Variants in SNED1 observed in about 807,000 individuals in gnomAD.
The protein encoded by SNED1 is sushi, nidogen and EGF like domains 1.
A neutral mutation model predicts 166.7 loss-of-function variants in SNED1; 81 were observed. The ratio of observed to expected loss-of-function variants is 0.49; its 90% confidence interval spans 0.41 to 0.58. The LOEUF (loss-of-function observed/expected upper bound fraction) is 0.58. Ranked by LOEUF, SNED1 falls within the 20% of genes least tolerant of loss-of-function variation. The pLI, the probability that SNED1 is intolerant of heterozygous loss-of-function variation, is 0.00. For synonymous variants in SNED1, 762 were observed against 822.0 expected (o/e 0.93, Z 1.25); for missense variants, 1,604 against 2,000.2 (o/e 0.80, Z 3.78).
chr2:241,030,617 GC>G, intron 2 of SNED1, 46 bp downstream of exon 2: 4 of 1,585,770 alleles, frequency 2.5e-6, no homozygotes, highest in Non-Finnish European at 3.4e-6. Context: ...TGTGGCTAGG[GC>G]CCAGGGTCTC....
At chr2:241,065,664 C>A in intron 21 of SNED1, 69 bp downstream of exon 21, 1 of 1,360,414 alleles carries the variant, frequency 7.4e-7, no homozygotes, top group Non-Finnish European at 1.0e-6. Context: ...GGCCCCGGCA[C>A]CTGCAGGGCG....
intron 1 of SNED1, among the ~76,000 whole-genome samples, chr2:241,026,708 C>A (rs1176506790): frequency 3.9e-5 from 6 of 152,028 alleles, no homozygotes; most frequent in Non-Finnish European, 7.4e-5. Context: ...TTTTTTTAAT[C>A]TAGTGCTTTT....
intron 24 of SNED1, among the ~76,000 whole-genome samples, chr2:241,071,160 A>AT (rs1395230864): frequency 6.6e-6 from 1 of 152,166 alleles, no homozygotes; most frequent in African/African-American, 2.4e-5. Context: ...CTCAGGGCAC[A>AT]TGCTGGGGTG....
intron 29 of SNED1, among the ~76,000 whole-genome samples, chr2:241,085,860 C>CTTTTT (rs772995766): frequency 4.7e-4 from 37 of 79,156 alleles, no homozygotes; most frequent in African/African-American, 6.6e-4. Flanking sequence ...TCTGCGGTTT[C>CTTTTT]TTTTTTTTTT....
At chr2:241,037,434 TG>T (rs1259534867) in intron 6 of SNED1, 81 bp downstream of exon 6, 1 of 986,004 alleles carries the variant, frequency 1.0e-6, no homozygotes, top group Non-Finnish European at 1.6e-6. Flanking sequence ...GCTGAGGTCT[TG>T]GAAGGTCCAG....
rs567576428 is a variant in SNED1, at chr2:241,036,936, G to A, written c.931+21G>A. On this transcript the variant is annotated intron_variant, in intron 5 of 31. Transcript: ENST00000310397. ...CCTGGGTGAGTGACTGGCCCAGGGC[G>A]GGACCACCCGCTGGCTGCGCTGGGC... 3.5e-5 allele frequency: 56 copies of A among 1,599,366 alleles called. No homozygotes were observed. In the East Asian group the frequency reaches 8.6e-4, roughly 25 times the overall value.
At chr2:241,055,102 G>A (rs1339213100) in intron 16 of SNED1, among the ~76,000 whole-genome samples, 2 of 150,932 alleles carry the variant, frequency 1.3e-5, no homozygotes, top group Non-Finnish European at 2.9e-5. Flanking sequence ...GGGTGATAGA[G>A]TAAGACTCTG....
At chr2:241,034,273 G>C (rs1430911659) in intron 3 of SNED1, among the ~76,000 whole-genome samples, 3 of 152,210 alleles carry the variant, frequency 2.0e-5, no homozygotes, top group Non-Finnish European at 2.9e-5. Flanking sequence ...CCAGGCCCGA[G>C]AGTGCCTTTG....
chr2:241,009,345 C>T (rs2060316680), intron 1 of SNED1, among the ~76,000 whole-genome samples: 1 of 152,176 alleles, frequency 6.6e-6, no homozygotes, highest in Non-Finnish European at 1.5e-5. Flanking sequence ...GGGGCCACTG[C>T]CTCCAGGCCA....
At chr2:241,037,025 T>C in intron 5 of SNED1, 110 bp downstream of exon 5, 2 of 1,366,384 alleles carry the variant, frequency 1.5e-6, no homozygotes, top group Middle Eastern at 2.1e-4. Flanking sequence ...GTCAGGAGTC[T>C]CTGTCCCCAG....
chr2:241,048,794 C>G (rs1476696114), intron 10 of SNED1, 28 bp downstream of exon 10: 2 of 1,545,492 alleles, frequency 1.3e-6, no homozygotes, highest in Non-Finnish European at 1.8e-6. Flanking sequence ...CCTTCCTGCC[C>G]TGTCCCTGAG....
rs1431956480 is a variant in SNED1, at chr2:241,048,362, G to A, written c.1321G>A (p.Gly441Arg). 6.2e-7 allele frequency: 1 copy of A among 1,611,494 alleles called. No homozygotes were observed. The highest frequency in any genetic ancestry group is 1.7e-5 in the Admixed American group (1 of 59,732). The change falls in exon 9 of 32, where the codon GGG (glycine) becomes AGG (arginine). Residue 441 changes from glycine (G) to arginine (R), a missense_variant. By Grantham distance (125) the Gly-to-Arg change is moderately radical. This residue lies in a region of SNED1 where 1,237 missense variants were observed against 1,620.8 expected (regional missense o/e 0.76). Coordinates refer to ENST00000310397, the MANE Select transcript of SNED1 (RefSeq NM_001080437.3). ...CTGCCTCTCGGCCCCTTGCCACAAT[G>A]GGGGCACCTGTGTGGATGCGGACCA... The part of the protein sequence containing the change: ...DACLSAPCHN[G>R]GTCVDADQGY...
intron 1 of SNED1, among the ~76,000 whole-genome samples, chr2:241,001,171 C>T (rs1348107735): frequency 6.6e-6 from 1 of 152,240 alleles, no homozygotes; most frequent in Admixed American, 6.5e-5. Flanking sequence ...CCCTCCAGCC[C>T]CCATCCCACT....
intron 1 of SNED1, among the ~76,000 whole-genome samples, chr2:241,019,654 CT>C (rs950186488): frequency 6.6e-6 from 1 of 152,242 alleles, no homozygotes; most frequent in Non-Finnish European, 1.5e-5. Context: ...TGCATGGCCA[CT>C]TCCGGCCCAA....
chr2:241,038,261 C>CTA (rs1483578817), intron 6 of SNED1, among the ~76,000 whole-genome samples: 1 of 152,172 alleles, frequency 6.6e-6, no homozygotes, highest in Non-Finnish European at 1.5e-5. Flanking sequence ...CAAATAGTGA[C>CTA]TATATCAATA....
chr2:241,003,997 G>T (rs1425724915), intron 1 of SNED1, among the ~76,000 whole-genome samples: 1 of 152,262 alleles, frequency 6.6e-6, no homozygotes, highest in Non-Finnish European at 1.5e-5. Flanking sequence ...CCCTGGGCTG[G>T]ACAGGGCCAG....
intron 27 of SNED1, among the ~76,000 whole-genome samples, chr2:241,078,867 A>C (rs554331390): frequency 3.2e-4 from 48 of 152,126 alleles, no homozygotes; most frequent in Admixed American, 2.2e-3. Flanking sequence ...TAATCCCAGC[A>C]CTTTGGGAGG....
At chr2:241,055,222 G>A (rs1398297780) in intron 16 of SNED1, among the ~76,000 whole-genome samples, 2 of 152,158 alleles carry the variant, frequency 1.3e-5, no homozygotes, top group Non-Finnish European at 2.9e-5. Flanking sequence ...TAAAGGATAA[G>A]TGGCTAGGGA....
chr2:241,040,515 C>T lies in SNED1; in HGVS notation c.1273+102C>T, dbSNP rs1255959818. ...CCTTCCTTCCTTGCCATCTGACTCA[C>T]CTCACACCTGTCTCTGGGGTGGGAG... On this transcript the variant is annotated intron_variant, in intron 8 of 31. Transcript: ENST00000310397. The T allele has an allele frequency of 4.2e-6, 3 of 721,254 alleles. No homozygotes were observed. In the African/African-American group the frequency reaches 5.3e-5, roughly 13 times the overall value. 44.7% of individuals were successfully genotyped at this position (721,254 alleles called of 1,614,324 possible). A position where few individuals can be genotyped will look rare whatever the true frequency, so the allele number is the denominator to read the frequency against.
Sources: allele counts gnomAD v4.1 joint callset (sites outside exome capture counted in the v4.1 genomes callset), GRCh38; gene constraint gnomAD v4.1.1; regional missense constraint gnomAD v4.1.1; transcripts MANE v1.5; gene names NCBI Gene and HGNC (gene_info 2026-07-23, HGNC 2026-07-21).